The following FSTL5 variants were observed in gnomAD, a reference collection of about 807,000 sequenced individuals.
The protein encoded by FSTL5 is follistatin-related protein 5.
Under a neutral mutation model 89.1 loss-of-function variants are expected in FSTL5, and 62 were observed. The observed-to-expected ratio is 0.70, with a 90% CI of 0.57 to 0.86. FSTL5 has a LOEUF of 0.86. Among genes scored for constraint, FSTL5 ranks in the 40% least tolerant of loss-of-function variants. The probability of loss-of-function intolerance (pLI) is 0.00; values close to 1 mark genes in which losing one functional copy is unlikely to be tolerated. For synonymous variants in FSTL5, 383 were observed against 346.2 expected, an observed-to-expected ratio of 1.11 and a Z score of -1.18; for missense variants, 1,057 against 1,001.6, an observed-to-expected ratio of 1.06 and a Z score of -0.75.
intron 3 of FSTL5, 109 bp from the exon 4 acceptor site, chr4:161,920,761 G>T: frequency 9.6e-7 from 1 of 1,038,304 alleles, no homozygotes; most frequent in Non-Finnish European, 1.4e-6. Flanking sequence ...GTATAGTATA[G>T]TGTATTCAGG....
At chr4:161,496,796 ATAGAGATAGAG>A (rs1730094726) in intron 12 of FSTL5, among the ~76,000 whole-genome samples, 1 of 148,322 alleles carries the variant, frequency 6.7e-6, no homozygotes, top group Non-Finnish European at 1.5e-5. Context: ...AAAGATAGAG[ATAGAGATAGAG>A]ATAGAGATAG....
At chr4:162,079,248 C>T (rs1158616312) in intron 2 of FSTL5, among the ~76,000 whole-genome samples, 1 of 151,642 alleles carries the variant, frequency 6.6e-6, no homozygotes, top group Non-Finnish European at 1.5e-5. Flanking sequence ...AAAATTAGTG[C>T]AATGAATATC....
chr4:161,510,170 A>G (rs191335118), intron 11 of FSTL5, among the ~76,000 whole-genome samples: 2 of 152,262 alleles, frequency 1.3e-5, no homozygotes, highest in Admixed American at 1.3e-4. Context: ...AAGTATTTCA[A>G]TATATCGCAA....
chr4:161,971,023 G>T (rs1696164317), intron 3 of FSTL5, among the ~76,000 whole-genome samples: 1 of 149,292 alleles, frequency 6.7e-6, no homozygotes. Context: ...TTTTTCATCT[G>T]GGTATATAAA....
intron 3 of FSTL5, among the ~76,000 whole-genome samples, chr4:161,929,494 TA>T (rs964848435): frequency 9.2e-5 from 14 of 151,794 alleles, no homozygotes; most frequent in African/African-American, 3.4e-4. Context: ...TGTCTATATC[TA>T]AAAAGTAAGC....
chr4:161,709,760 C>T (rs1316329378), intron 6 of FSTL5, among the ~76,000 whole-genome samples: 1 of 151,864 alleles, frequency 6.6e-6, no homozygotes, highest in Non-Finnish European at 1.5e-5. Context: ...CACGTCAGTG[C>T]AATTCAGCCT....
chr4:161,515,508 C>A (rs1261591344), intron 10 of FSTL5, among the ~76,000 whole-genome samples: 1 of 151,538 alleles, frequency 6.6e-6, no homozygotes, highest in African/African-American at 2.4e-5. Flanking sequence ...TTTTTCATGT[C>A]TTTTCATTAC....
At chr4:162,158,226 C>A (rs1287065052) in intron 1 of FSTL5, among the ~76,000 whole-genome samples, 1 of 152,038 alleles carries the variant, frequency 6.6e-6, no homozygotes, top group Non-Finnish European at 1.5e-5. Context: ...AGAAAAACAA[C>A]TTGAACTCCT....
intron 4 of FSTL5, among the ~76,000 whole-genome samples, chr4:161,860,229 A>G (rs1191572703): frequency 2.0e-5 from 3 of 152,130 alleles, no homozygotes; most frequent in Admixed American, 6.6e-5. Flanking sequence ...CGGAGCTTGC[A>G]GTGAGAGGAG....
At chr4:161,737,932 A>T (rs1739876116) in intron 6 of FSTL5, among the ~76,000 whole-genome samples, 1 of 152,124 alleles carries the variant, frequency 6.6e-6, no homozygotes, top group Non-Finnish European at 1.5e-5. Context: ...TGAGAATTAA[A>T]AATTTAAGAC....
At chr4:161,781,180 A>AG (rs970563989) in intron 4 of FSTL5, among the ~76,000 whole-genome samples, 1 of 152,120 alleles carries the variant, frequency 6.6e-6, no homozygotes, top group Non-Finnish European at 1.5e-5. Context: ...AGCATAAAAA[A>AG]GATGTCAAAA....
intron 8 of FSTL5, among the ~76,000 whole-genome samples, chr4:161,545,743 T>A (rs574851441): frequency 2.2e-4 from 34 of 152,080 alleles, no homozygotes; most frequent in African/African-American, 7.7e-4. Context: ...CATTGCAGAA[T>A]CTCTGGTACC....
In FSTL5 at chr4:161,439,163, G is replaced by A. The variant is rs113214912; in HGVS notation, c.1841+15841C>T. Among the ~76,000 whole-genome samples the A allele has an allele frequency of 2.2e-3, 339 of 152,184 alleles. 1 individual carries two copies. The highest frequency in any genetic ancestry group is 7.8e-3 in the African/African-American group (323 of 41,524). On this transcript the variant is annotated intron_variant, in intron 15 of 15. Coordinates refer to ENST00000306100, the MANE Select transcript of FSTL5 (RefSeq NM_020116.5). ...CTTGTAAAATGATGTAATATTTATT[G>A]CACATTAATGATAGATCTCAAAAGC...
At chr4:162,052,285 C>CA (rs1453721875) in intron 2 of FSTL5, among the ~76,000 whole-genome samples, 3 of 150,796 alleles carry the variant, frequency 2.0e-5, no homozygotes, top group Admixed American at 6.6e-5. Context: ...CAAACAACAA[C>CA]AAAAAAATCA....
intron 1 of FSTL5, among the ~76,000 whole-genome samples, chr4:162,129,483 G>T (rs1000559694): frequency 6.6e-6 from 1 of 152,150 alleles, no homozygotes; most frequent in Non-Finnish European, 1.5e-5. Context: ...ATGTTACATA[G>T]CAAGTTCTTA....
chr4:161,625,781 G>A (rs1304016433), intron 7 of FSTL5, among the ~76,000 whole-genome samples: 1 of 152,090 alleles, frequency 6.6e-6, no homozygotes, highest in Non-Finnish European at 1.5e-5. Context: ...CAAAGGAAAA[G>A]TTCTTGAAGG....
chr4:161,849,265 T>C (rs1432839048), intron 4 of FSTL5, among the ~76,000 whole-genome samples: 1 of 152,164 alleles, frequency 6.6e-6, no homozygotes, highest in African/African-American at 2.4e-5. Flanking sequence ...GGCATGATTG[T>C]GTTTTTTGGT....
chr4:161,465,258 C>A (rs539608720), intron 13 of FSTL5, among the ~76,000 whole-genome samples: 100 of 152,090 alleles, frequency 6.6e-4, no homozygotes, highest in African/African-American at 2.2e-3. Flanking sequence ...CCTGTAAGTT[C>A]TTTGGGTTTC....
chr4:161,547,389 T>C (rs995804408), intron 8 of FSTL5, among the ~76,000 whole-genome samples: 2 of 151,994 alleles, frequency 1.3e-5, no homozygotes, highest in Non-Finnish European at 2.9e-5. Flanking sequence ...TTTAGGCAAC[T>C]AGTATTTTAG....
Sources: allele counts gnomAD v4.1 joint callset (sites outside exome capture counted in the v4.1 genomes callset), GRCh38; gene constraint gnomAD v4.1.1; transcripts MANE v1.5; gene names NCBI Gene and HGNC (gene_info 2026-07-23, HGNC 2026-07-21).